The following USH2A variants were observed in gnomAD, a reference collection of about 807,000 sequenced individuals.
USH2A encodes the protein usherin.
In USH2A, 443 loss-of-function variants were observed where a neutral mutation model predicts 538.9. The ratio of observed to expected loss-of-function variants is 0.82; its 90% CI spans 0.76 to 0.89. The LOEUF (loss-of-function observed/expected upper bound fraction) is 0.89, where lower values mean the gene tolerates loss of function less well. Among genes scored for constraint, USH2A ranks in the 40% least tolerant of loss-of-function variants. USH2A has a pLI of 0.00. For missense variants in USH2A, 6,633 were observed against 6,324.8 expected (o/e 1.05, Z -1.65); for synonymous variants, 2,413 against 2,273.5 (o/e 1.06, Z -1.75).
chr1:215,982,079 C>T (rs188321915), intron 35 of USH2A, among the ~76,000 whole-genome samples: 14 of 152,320 alleles, frequency 9.2e-5, no homozygotes, highest in Admixed American at 9.2e-4. Flanking sequence ...AAGTCAAAAG[C>T]TTCCAAGCCA....
chr1:216,157,075 T>C (rs550528521), intron 21 of USH2A, among the ~76,000 whole-genome samples: 2 of 152,266 alleles, frequency 1.3e-5, no homozygotes, highest in South Asian at 2.1e-4. Flanking sequence ...GGTTTCACCA[T>C]GTTGACCAGG....
intron 43 of USH2A, among the ~76,000 whole-genome samples, chr1:215,875,214 A>G (rs990059115): frequency 3.3e-5 from 5 of 152,214 alleles, no homozygotes; most frequent in Admixed American, 1.3e-4. Context: ...ATGGACTTAT[A>G]AAGGGTAGAG....
Position 215,867,223 on chromosome 1 carries a change from T to C in USH2A, c.8682-53A>G, listed in dbSNP as rs115882431. The C allele has an allele frequency of 3.0e-3, 4,662 of 1,573,152 alleles. 109 individuals carry two copies. In the African/African-American group the frequency reaches 0.055, roughly 19 times the overall value. On this transcript the variant is annotated intron_variant, in intron 43 of 71. Coordinates refer to ENST00000307340, the MANE Select transcript of USH2A (RefSeq NM_206933.4). Reference sequence around the variant, plus strand: ...ATATGAATTTCTACTTTACAGAAAATCTAACAAATAATTTCTTTTTTTCTT... The same window carrying C: ...ATATGAATTTCTACTTTACAGAAAACCTAACAAATAATTTCTTTTTTTCTT...
At chr1:215,670,923 G>T in intron 64 of USH2A, 49 bp downstream of exon 64, 1 of 1,587,852 alleles carries the variant, frequency 6.3e-7, no homozygotes, top group Non-Finnish European at 8.6e-7. Flanking sequence ...GGCAGGTGCT[G>T]ACGGGTGCAA....
chr1:216,050,560 T>TTTTCTTTCTTTCTTTTTCTTTC, intron 30 of USH2A, among the ~76,000 whole-genome samples: 1 of 35,704 alleles, frequency 2.8e-5, no homozygotes, highest in Admixed American at 3.1e-4. Context: ...ATTTGTATCT[T>TTTTCTTTCTTTCTTTTTCTTTC]TTTCTTTCTT....
intron 55 of USH2A, among the ~76,000 whole-genome samples, chr1:215,778,551 C>T (rs1278650866): frequency 2.6e-5 from 4 of 152,144 alleles, no homozygotes; most frequent in African/African-American, 7.2e-5. Context: ...TTTTGCCACC[C>T]TGTGTAAGTG....
rs567682792 is a variant in USH2A at position 216,139,425 on chromosome 1, G to GA, written c.4627+35826dup. 8.0e-3 allele frequency among the ~76,000 whole-genome samples: 1,038 copies of GA among 129,064 alleles called. 13 individuals are homozygous for GA. Among genetic ancestry groups the GA allele is most frequent in the African/African-American group, 0.024 (858 of 35,658 alleles). 84.7% of individuals were successfully genotyped at this position (129,064 alleles called of 152,430 possible). On this transcript the variant is annotated intron_variant, in intron 21 of 71. Transcript: ENST00000307340. ...TTCTTCCCCTCTACAGAAAAAAAAA[G>GA]AAAAAAAAAAAAGAAAAAATTCATT...
chr1:216,046,347 C>T, intron 32 of USH2A, 84 bp downstream of exon 32: 2 of 1,503,450 alleles, frequency 1.3e-6, no homozygotes, highest in South Asian at 1.2e-5. Context: ...GATATGGAAC[C>T]CCTGGATATC....
chr1:215,722,449 A>C (rs1300740130), intron 61 of USH2A, among the ~76,000 whole-genome samples: 1 of 152,252 alleles, frequency 6.6e-6, no homozygotes, highest in African/African-American at 2.4e-5. Context: ...AAATGGGATT[A>C]AAAATAAATT....
At position 216,078,198 on chromosome 1, in the gene USH2A, C is replaced by T; in HGVS notation, c.5463G>A (p.Lys1821=). The T allele has an allele frequency of 6.2e-7, 1 of 1,613,832 alleles. No individual in the cohort carries two copies. Among genetic ancestry groups the T allele is most frequent in the Non-Finnish European group, 8.5e-7 (1 of 1,179,798 alleles). ...GCTGGTCTCCGGACTCCGATGCATG[C>T]TTCATCAGTCCATTCACACTTGCTG... ...FISASVNGLM[K]HASESGDQPL... Residue 1821 remains lysine (K), a synonymous_variant, in exon 27 of 72, where the codon AAG becomes AAA. Transcript: ENST00000307340.
intron 11 of USH2A, among the ~76,000 whole-genome samples, chr1:216,253,972 T>C (rs2036212083): frequency 6.6e-6 from 1 of 152,208 alleles, no homozygotes; most frequent in South Asian, 2.1e-4. Flanking sequence ...CTTTTTTCTA[T>C]ACACCTGACT....
At chr1:215,870,384 T>A (rs554153979) in intron 43 of USH2A, among the ~76,000 whole-genome samples, 99 of 151,174 alleles carry the variant, frequency 6.5e-4, no homozygotes, top group South Asian at 5.7e-3. Context: ...AAACTCCGCC[T>A]CCCGGGTTCA....
At chr1:215,679,048 G>A (rs988185722) in intron 62 of USH2A, among the ~76,000 whole-genome samples, 1 of 151,842 alleles carries the variant, frequency 6.6e-6, no homozygotes, top group Non-Finnish European at 1.5e-5. Context: ...TCTTGCCCCA[G>A]GGGGGAGAAG....
At chr1:216,040,296 T>C (rs1159800233) in intron 32 of USH2A, among the ~76,000 whole-genome samples, 3 of 151,990 alleles carry the variant, frequency 2.0e-5, no homozygotes, top group African/African-American at 7.2e-5. Flanking sequence ...AGATAGTTGT[T>C]ATTTTTCTAT....
chr1:215,628,850 T>C lies in USH2A; in HGVS notation c.15483A>G (p.Ser5161=), dbSNP rs1656155853. 2 of 1,613,958 alleles carry C rather than the reference T, an allele frequency of 1.2e-6. No individual in the cohort carries two copies. Among genetic ancestry groups the C allele is most frequent in the Non-Finnish European group, 8.5e-7 (1 of 1,180,028 alleles). The part of the protein sequence containing the change: ...IQDKKVLMDN[S]LWEAIMGHNS... Reference sequence around the variant, plus strand: ...TGTGGCCCATGATGGCTTCCCACAGTGAGTTGTCCATCAAGACTTTCTTGT... The same window carrying C: ...TGTGGCCCATGATGGCTTCCCACAGCGAGTTGTCCATCAAGACTTTCTTGT... The change falls in exon 71 of 72, where the codon TCA becomes TCG. Residue 5161 remains serine, a synonymous_variant. Transcript: ENST00000307340.
chr1:215,880,103 T>C (rs1664869393), intron 41 of USH2A, among the ~76,000 whole-genome samples: 1 of 152,186 alleles, frequency 6.6e-6, no homozygotes, highest in Non-Finnish European at 1.5e-5. Flanking sequence ...TTTTTTTCCC[T>C]AGCATACAGT....
At chr1:215,727,543 A>G (rs769036467) in intron 61 of USH2A, among the ~76,000 whole-genome samples, 6 of 152,112 alleles carry the variant, frequency 3.9e-5, no homozygotes, top group East Asian at 3.9e-4. Flanking sequence ...CCTGGCCAAC[A>G]TGGTGAAAAC....
chr1:216,356,992 T>C (rs149627745), intron 4 of USH2A, among the ~76,000 whole-genome samples: 87 of 152,220 alleles, frequency 5.7e-4, no homozygotes, highest in Non-Finnish European at 1.0e-3. Context: ...ATTCCCAGTT[T>C]AATAGTCAGA....
intron 32 of USH2A, among the ~76,000 whole-genome samples, chr1:216,021,640 T>G (rs899740043): frequency 1.3e-5 from 2 of 152,176 alleles, no homozygotes; most frequent in Non-Finnish European, 2.9e-5. Context: ...AGACTTCAGA[T>G]TTTAGATTTG....
Sources: allele counts gnomAD v4.1 joint callset (sites outside exome capture counted in the v4.1 genomes callset), GRCh38; gene constraint gnomAD v4.1.1; transcripts MANE v1.5; gene names NCBI Gene and HGNC (gene_info 2026-07-23, HGNC 2026-07-21).